The following EPB41L4A variants were observed in gnomAD, a reference collection of about 807,000 sequenced individuals.
EPB41L4A encodes band 4.1-like protein 4A.
Under a neutral mutation model 108.6 loss-of-function variants are expected in EPB41L4A, and 100 were observed. The observed-to-expected ratio is 0.92, with a 90% CI of 0.78 to 1.09. The LOEUF (loss-of-function observed/expected upper bound fraction) is 1.09. Among genes scored for constraint, EPB41L4A ranks in the 50% least tolerant of loss-of-function variants. The pLI is 0.00. For missense variants in EPB41L4A, 1,030 were observed against 842.7 expected (o/e 1.22, Z -2.75); for synonymous variants, 319 against 289.0 (o/e 1.10, Z -1.05).
intron 1 of EPB41L4A, among the ~76,000 whole-genome samples, chr5:112,380,644 G>C (rs1760111451): frequency 6.6e-6 from 1 of 152,016 alleles, no homozygotes; most frequent in Non-Finnish European, 1.5e-5. Flanking sequence ...AGTTTTTAAT[G>C]TATACTCTTC....
intron 1 of EPB41L4A, among the ~76,000 whole-genome samples, chr5:112,365,689 G>A (rs1006155715): frequency 2.0e-5 from 3 of 152,086 alleles, no homozygotes; most frequent in Non-Finnish European, 4.4e-5. Context: ...TTCTCCTAAC[G>A]TCCAAGACCC....
At chr5:112,371,276 A>T (rs923081818) in intron 1 of EPB41L4A, among the ~76,000 whole-genome samples, 2 of 152,228 alleles carry the variant, frequency 1.3e-5, no homozygotes, top group Non-Finnish European at 1.5e-5. Flanking sequence ...ATTATTTACA[A>T]ATACAAAAGA....
chr5:112,160,897 T>G (rs1759849627), downstream of EPB41L4A: 1 of 156,306 alleles, frequency 6.4e-6, no homozygotes, highest in Non-Finnish European at 1.5e-5. Flanking sequence ...TTGCTGTGGT[T>G]TTTGCTCTGG....
chr5:112,264,940 C>A lies in EPB41L4A; in HGVS notation c.510G>T (p.Lys170Asn). The change falls in exon 6 of 23, where the codon AAG becomes AAT. Residue 170 changes from lysine (K) to asparagine (N), a missense_variant. Transcript: ENST00000261486. ...TTTCTATGGCTTCTTCAAGTTCTTC[C>A]TTCTGATCAGGAACAAACCGGTACT... ...VSEYRFVPDQ[K>N]EELEEAIERI... The A allele has an allele frequency of 6.2e-7, 1 of 1,612,162 alleles. No individual in the cohort carries two copies. The highest frequency in any genetic ancestry group is 8.5e-7 in the Non-Finnish European group (1 of 1,179,246).
At chr5:112,389,083 A>G (rs971855806) in intron 1 of EPB41L4A, among the ~76,000 whole-genome samples, 6 of 152,308 alleles carry the variant, frequency 3.9e-5, no homozygotes, top group Non-Finnish European at 7.3e-5. Context: ...AAAAAATTCT[A>G]TGGCTTAGCA....
At chr5:112,337,934 A>C (rs1468106025) in intron 1 of EPB41L4A, among the ~76,000 whole-genome samples, 3 of 152,150 alleles carry the variant, frequency 2.0e-5, no homozygotes, top group African/African-American at 7.2e-5. Flanking sequence ...AATGACTGCA[A>C]GAAGGCACTG....
chr5:112,231,526 C>T (rs574839435), intron 12 of EPB41L4A, among the ~76,000 whole-genome samples: 1 of 152,126 alleles, frequency 6.6e-6, no homozygotes, highest in South Asian at 2.1e-4. Flanking sequence ...TGGCTCACGC[C>T]TGTAATCCCA....
intron 1 of EPB41L4A, among the ~76,000 whole-genome samples, chr5:112,357,046 G>C (rs1050054774): frequency 2.0e-5 from 3 of 152,158 alleles, no homozygotes; most frequent in African/African-American, 7.2e-5. Context: ...CCCAGAGCGA[G>C]AGATGGTTCT....
At position 112,148,092 on chromosome 5, in the gene EPB41L4A, TATAATATAATAGTATTACTATATAATATA is replaced by T. The variant is rs1273210882; in HGVS notation, n.995-2123_995-2095del. 5.4e-4 allele frequency among the ~76,000 whole-genome samples: 69 copies of T among 126,724 alleles called. 3 individuals are homozygous for T. The highest frequency in any genetic ancestry group is 2.1e-3 in the African/African-American group (48 of 23,270). The allele number at this position is 126,724 out of a possible 152,430, so 83.1% of individuals were successfully genotyped here. ...AAAATTGGGAGTTAAATAGTATTAC[TATAATATAATAGTATTACTATATAATATA>T]ATAATATAATAGTATTACTATATAA... On this transcript the variant is annotated intron_variant and non_coding_transcript_variant, in intron 12 of 13. Transcript: ENST00000507810.
chr5:112,291,247 CTT>C (rs1477650184), intron 2 of EPB41L4A, among the ~76,000 whole-genome samples: 2 of 152,166 alleles, frequency 1.3e-5, no homozygotes, highest in African/African-American at 2.4e-5. Context: ...TCATCACCCT[CTT>C]TCTTACAACT....
At chr5:112,332,531 A>G (rs889344183) in intron 1 of EPB41L4A, among the ~76,000 whole-genome samples, 1 of 152,202 alleles carries the variant, frequency 6.6e-6, no homozygotes, top group African/African-American at 2.4e-5. Flanking sequence ...ATGCTCCTGA[A>G]TGACACCCCA....
chr5:112,419,746 G>C (rs1206835453), upstream of EPB41L4A: 7 of 456,670 alleles, frequency 1.5e-5, no homozygotes, highest in South Asian at 7.7e-5. Flanking sequence ...GGAAAGGGCA[G>C]CAGGCTCCTT....
At chr5:112,204,544 C>G (rs952773229) in intron 14 of EPB41L4A, 56 bp from the exon 15 acceptor site, 1 of 1,135,396 alleles carries the variant, frequency 8.8e-7, no homozygotes, top group African/African-American at 1.5e-5. Flanking sequence ...GGGGAAAACA[C>G]ACCGCAGCCC....
chr5:112,339,516 A>C lies in EPB41L4A; in HGVS notation c.100-32026T>G, dbSNP rs926264753. Among the ~76,000 whole-genome samples, 342 of 40,968 alleles carry C rather than the reference A, an allele frequency of 8.3e-3. 9 individuals are homozygous for C. Among genetic ancestry groups the C allele is most frequent in the African/African-American group, 0.025 (257 of 10,428 alleles). 26.9% of individuals were successfully genotyped at this position (40,968 alleles called of 152,430 possible). ...TATATCTATATATATATATAGATATATAGATATATATCTATATATATATAT... is the reference window on the plus strand; with the variant it reads ...TATATCTATATATATATATAGATATCTAGATATATATCTATATATATATAT... On this transcript the variant is annotated intron_variant, in intron 1 of 22. Transcript: ENST00000261486.
exon 14 of EPB41L4A, chr5:112,143,414 T>C (rs993427930): frequency 9.8e-5 from 15 of 152,442 alleles, no homozygotes; most frequent in African/African-American, 3.4e-4. Flanking sequence ...GTTTTTATGT[T>C]AATGAAGTAA....
chr5:112,306,096 C>A (rs1754664084), intron 2 of EPB41L4A, among the ~76,000 whole-genome samples: 2 of 152,048 alleles, frequency 1.3e-5, no homozygotes, highest in South Asian at 2.1e-4. Context: ...GCAAGACAGT[C>A]AATCTTTCCA....
chr5:112,229,937 G>A (rs1252347523), intron 12 of EPB41L4A, among the ~76,000 whole-genome samples: 10 of 149,386 alleles, frequency 6.7e-5, no homozygotes, highest in Admixed American at 2.7e-4. Flanking sequence ...GCAGTGAGCC[G>A]AGATCACGCC....
intron 1 of EPB41L4A, among the ~76,000 whole-genome samples, chr5:112,375,139 G>A (rs919410414): frequency 3.9e-5 from 6 of 152,234 alleles, no homozygotes; most frequent in African/African-American, 1.2e-4. Context: ...GACTTTAAAG[G>A]ACAGAGTTGA....
chr5:112,185,907 T>C (rs999931065), intron 17 of EPB41L4A, among the ~76,000 whole-genome samples: 5 of 152,112 alleles, frequency 3.3e-5, no homozygotes, highest in Admixed American at 2.6e-4. Context: ...TCTGTGTTCA[T>C]GTGACAGTCA....
Sources: gnomAD v4.1 joint callset for allele counts (sites outside exome capture counted in the v4.1 genomes callset) on GRCh38, gnomAD v4.1.1 for gene constraint, MANE v1.5 for transcripts, NCBI Gene and HGNC (gene_info 2026-07-23, HGNC 2026-07-21) for gene names.